Variants in NFX1 observed in about 807,000 individuals in gnomAD.
NFX1 encodes nuclear transcription factor, X-box binding 1, also known as transcriptional repressor NF-X1.
In NFX1, 69 loss-of-function variants were observed where a neutral mutation model predicts 137.2. That is an observed-to-expected ratio of 0.50 (90% CI 0.41 to 0.61). NFX1 has a LOEUF of 0.61. Ranked by LOEUF, NFX1 falls within the 20% of genes least tolerant of loss-of-function variation. NFX1 has a pLI of 0.00. For synonymous variants in NFX1, 495 were observed against 474.1 expected, an observed-to-expected ratio of 1.04 and a Z score of -0.57; for missense variants, 1,167 against 1,391.0, an observed-to-expected ratio of 0.84 and a Z score of 2.56.
At chr9:33,357,936 A>T (rs1823865827) in intron 19 of NFX1, among the ~76,000 whole-genome samples, 1 of 152,108 alleles carries the variant, frequency 6.6e-6, no homozygotes, top group Non-Finnish European at 1.5e-5. Flanking sequence ...TTTAACTTGT[A>T]GGTCAATTTG....
intron 2 of NFX1, among the ~76,000 whole-genome samples, chr9:33,299,017 T>C (rs1242641217): frequency 1.3e-5 from 2 of 152,238 alleles, no homozygotes; most frequent in African/African-American, 4.8e-5. Context: ...CAAAGCCTAG[T>C]AGAGAAAAAG....
intron 14 of NFX1, 83 bp downstream of exon 14, chr9:33,344,271 T>C (rs535202185): frequency 6.9e-5 from 109 of 1,569,920 alleles, no homozygotes; most frequent in Middle Eastern, 1.7e-4. Context: ...TTCACTGCTC[T>C]AGAGTCATGC....
intron 21 of NFX1, among the ~76,000 whole-genome samples, 179 bp from the exon 22 acceptor site, chr9:33,366,450 T>C (rs1824172098): frequency 6.6e-6 from 1 of 152,094 alleles, no homozygotes; most frequent in African/African-American, 2.4e-5. Context: ...AAGAAGTGCA[T>C]CAGTGCCCAT....
At chr9:33,341,145 C>T (rs192656591) in intron 12 of NFX1, among the ~76,000 whole-genome samples, 157 of 152,286 alleles carry the variant, frequency 1.0e-3, no homozygotes, top group Middle Eastern at 6.8e-3. Context: ...ATATCCAAGA[C>T]TGGGCAAGTT....
chr9:33,290,624 G>T, intron 1 of NFX1, 27 bp downstream of exon 1: 1 of 1,600,116 alleles, frequency 6.2e-7, no homozygotes, highest in Non-Finnish European at 8.5e-7. Context: ...AGCGGGACTG[G>T]GCCCCTTTCA....
chr9:33,319,055 C>T lies in NFX1; in HGVS notation c.1834C>T (p.Arg612Trp), dbSNP rs146305609. 6 of 1,614,176 alleles carry T rather than the reference C, an allele frequency of 3.7e-6. No individual in the cohort carries two copies. The highest frequency in any genetic ancestry group is 1.7e-5 in the Admixed American group (1 of 60,010). Residue 612 changes from arginine to tryptophan, a missense_variant, in exon 9 of 24, where the codon CGG becomes TGG. Physicochemically the swap from Arg to Trp is moderately radical, Grantham distance 101. Coordinates refer to ENST00000379540, the MANE Select transcript of NFX1 (RefSeq NM_002504.6). Reference sequence around the variant, plus strand: ...ATTGCTAGAACTTGGAAGTAGTAGTCGGAAAACATGCATGGACCCTGTGCC... The same window carrying T: ...ATTGCTAGAACTTGGAAGTAGTAGTTGGAAAACATGCATGGACCCTGTGCC... ...SQLLELGSSSRKTCMDPVPSC... is the reference protein window; with the variant it reads ...SQLLELGSSSWKTCMDPVPSC...
intron 23 of NFX1, among the ~76,000 whole-genome samples, chr9:33,369,042 C>T (rs1315145444): frequency 2.0e-5 from 3 of 152,212 alleles, no homozygotes; most frequent in East Asian, 1.9e-4. Flanking sequence ...GTTATTGGCC[C>T]GTTTATCCCA....
At chr9:33,336,494 G>A (rs933092795) in intron 11 of NFX1, among the ~76,000 whole-genome samples, 21 of 152,324 alleles carry the variant, frequency 1.4e-4, no homozygotes, top group South Asian at 6.2e-4. Context: ...GATTACAGGC[G>A]TGAGCCACCG....
At chr9:33,325,260 C>A (rs921065164) in intron 9 of NFX1, among the ~76,000 whole-genome samples, 3 of 152,102 alleles carry the variant, frequency 2.0e-5, no homozygotes, top group African/African-American at 7.2e-5. Flanking sequence ...AATGACTTAT[C>A]ACATACAAGG....
At chr9:33,332,700 G>A (rs1822851350) in intron 11 of NFX1, 198 bp downstream of exon 11, 3 of 504,220 alleles carry the variant, frequency 5.9e-6, no homozygotes, top group African/African-American at 3.8e-5. Flanking sequence ...TAAGCTAAGT[G>A]CACTCATGTC....
intron 7 of NFX1, among the ~76,000 whole-genome samples, chr9:33,315,747 C>G (rs773330529): frequency 6.6e-6 from 1 of 150,682 alleles, no homozygotes; most frequent in African/African-American, 2.4e-5. Flanking sequence ...AAAAAATTAG[C>G]CAGACATGGT....
intron 7 of NFX1, among the ~76,000 whole-genome samples, chr9:33,316,441 T>G (rs1822166490): frequency 1.3e-5 from 2 of 152,110 alleles, no homozygotes; most frequent in African/African-American, 4.8e-5. Context: ...TAGCTCTTGA[T>G]TCATATTGGG....
chr9:33,324,697 G>A (rs1209111589), intron 9 of NFX1, among the ~76,000 whole-genome samples: 1 of 152,110 alleles, frequency 6.6e-6, no homozygotes, highest in South Asian at 2.1e-4. Flanking sequence ...GGAGGCTGAG[G>A]CAGGCGAATC....
chr9:33,293,885 G>C (rs831288), intron 1 of NFX1, among the ~76,000 whole-genome samples: 2,519 of 152,254 alleles, frequency 0.017, 64 homozygotes, highest in African/African-American at 0.057. Flanking sequence ...AAATTTCTCA[G>C]TAACCGTTGA....
intron 21 of NFX1, chr9:33,365,726 T>G (rs1824150290): frequency 6.6e-6 from 1 of 152,198 alleles, no homozygotes; most frequent in Admixed American, 6.5e-5. Context: ...TGTGGGACAC[T>G]TAGGAAGACA....
intron 15 of NFX1, among the ~76,000 whole-genome samples, chr9:33,351,032 T>C (rs1013195931): frequency 6.6e-6 from 1 of 152,172 alleles, no homozygotes; most frequent in Non-Finnish European, 1.5e-5. Flanking sequence ...TAACCCCAGC[T>C]ACTCGGGAGG....
At chr9:33,353,560 A>C (rs888675375) in intron 17 of NFX1, among the ~76,000 whole-genome samples, 1 of 152,028 alleles carries the variant, frequency 6.6e-6, no homozygotes, top group Non-Finnish European at 1.5e-5. Context: ...TGAGGGATTG[A>C]GTCACCTCAT....
rs775158626 is a variant in NFX1, at chr9:33,319,140, C to CAATATT, written c.1906+13_1906+14insAATATT. 1.5e-4 allele frequency: 234 copies of CAATATT among 1,611,154 alleles called. 2 individuals are homozygous for CAATATT. In the South Asian group the frequency reaches 2.4e-3, roughly 17 times the overall value. On this transcript the variant is annotated intron_variant, in intron 9 of 23. Transcript: ENST00000379540. Reference sequence around the variant, plus strand: ...TGTGGTTCCTTAGGTAACTAGTAAGCGTAAAGTTGGCTTTAAAAATATTAT... The same window carrying CAATATT: ...TGTGGTTCCTTAGGTAACTAGTAAGCAATATTGTAAAGTTGGCTTTAAAAATATTAT...
chr9:33,318,071 A>G (rs1375256317), intron 7 of NFX1, among the ~76,000 whole-genome samples: 3 of 150,576 alleles, frequency 2.0e-5, no homozygotes, highest in Admixed American at 6.6e-5. Flanking sequence ...TATTTTTAAT[A>G]CCTTATTAGA....
Sources: gnomAD v4.1 joint callset for allele counts (sites outside exome capture counted in the v4.1 genomes callset) on GRCh38, gnomAD v4.1.1 for gene constraint, MANE v1.5 for transcripts, NCBI Gene and HGNC (gene_info 2026-07-23, HGNC 2026-07-21) for gene names.